CD109: variants seen among roughly 807,000 people sequenced by gnomAD.
CD109 encodes CD109 antigen.
In CD109, 149 loss-of-function variants were observed where a neutral mutation model predicts 165.8. The observed-to-expected ratio is 0.90, with a 90% confidence interval of 0.79 to 1.03. The LOEUF (loss-of-function observed/expected upper bound fraction) is 1.03, where lower values mean the gene tolerates loss of function less well. CD109 is among the 50% of genes least tolerant of loss of function. The pLI is 0.00. For missense variants in CD109, 1,712 were observed against 1,677.8 expected (o/e 1.02, Z -0.36); for synonymous variants, 585 against 592.1 (o/e 0.99, Z 0.18).
chr6:73,813,087 C>A (rs1775808763), intron 29 of CD109, among the ~76,000 whole-genome samples: 1 of 152,062 alleles, frequency 6.6e-6, no homozygotes, highest in Non-Finnish European at 1.5e-5. Context: ...AATTTAGAAA[C>A]TTCCAAATAA....
Position 73,820,493 on chromosome 6 carries a change from T to C in CD109, c.4092T>C (p.Pro1364=). 6.2e-7 allele frequency: 1 copy of C among 1,612,178 alleles called. No homozygotes were observed. The change falls in exon 32 of 33, where the codon CCT becomes CCC. Residue 1364 remains proline (P), a synonymous_variant. Transcript: ENST00000287097. ...VNETQFCVNI[P]AVRNFKVSNT... ...AAACCCAGTTTTGTGTTAATATTCC[T>C]GCTGTGAGAAACTTTAAAGTTTCAA...
chr6:73,689,803 ACTTT>A, the CD109 span, among the ~76,000 whole-genome samples: 3 of 152,316 alleles, frequency 2.0e-5, no homozygotes, highest in East Asian at 3.9e-4. Flanking sequence ...TACACCACTT[ACTTT>A]AATACCAAGA....
the CD109 span, among the ~76,000 whole-genome samples, chr6:73,685,909 T>TCAAA: frequency 6.6e-6 from 1 of 152,246 alleles, no homozygotes; most frequent in Non-Finnish European, 1.5e-5. Context: ...GATGTCTTTG[T>TCAAA]ATTTCTTTTT....
At chr6:73,758,867 T>C in intron 6 of CD109, 77 bp from the exon 7 acceptor site, 1 of 748,966 alleles carries the variant, frequency 1.3e-6, no homozygotes, top group Non-Finnish European at 2.4e-6. Flanking sequence ...GATAGTGAAG[T>C]AGATTCTTTA....
At chr6:73,717,861 C>T (rs1056896976) in intron 2 of CD109, among the ~76,000 whole-genome samples, 10 of 151,640 alleles carry the variant, frequency 6.6e-5, no homozygotes, top group East Asian at 2.0e-4. Context: ...CCTCGTGATC[C>T]GCCCACCTCG....
chr6:73,813,305 T>A (rs935977621), intron 29 of CD109, among the ~76,000 whole-genome samples: 1 of 152,150 alleles, frequency 6.6e-6, no homozygotes, highest in Non-Finnish European at 1.5e-5. Flanking sequence ...CAGAAGTAAA[T>A]ATGCTGTGTA....
intron 23 of CD109, among the ~76,000 whole-genome samples, chr6:73,797,672 T>C (rs1775213616): frequency 6.6e-6 from 1 of 152,200 alleles, no homozygotes; most frequent in African/African-American, 2.4e-5. Context: ...ACGAGGTAAA[T>C]CAAGTCAAAC....
At chr6:73,761,022 C>T (rs1475120196) in intron 7 of CD109, among the ~76,000 whole-genome samples, 4 of 45,470 alleles carry the variant, frequency 8.8e-5, no homozygotes. Context: ...TAAACACACA[C>T]ACACACACAC....
intron 14 of CD109, among the ~76,000 whole-genome samples, chr6:73,770,604 C>T (rs1022724594): frequency 3.9e-5 from 6 of 152,202 alleles, no homozygotes; most frequent in African/African-American, 7.2e-5. Context: ...AAAAATTAGC[C>T]GGGCATGGTG....
intron 29 of CD109, among the ~76,000 whole-genome samples, chr6:73,814,687 G>T (rs1331339434): frequency 6.6e-6 from 1 of 152,124 alleles, no homozygotes; most frequent in Admixed American, 6.6e-5. Context: ...TCAAGGGAAT[G>T]TTTGCCCTCT....
At chr6:73,771,958 G>T (rs1343868693) in intron 15 of CD109, among the ~76,000 whole-genome samples, 1 of 152,090 alleles carries the variant, frequency 6.6e-6, no homozygotes, top group Non-Finnish European at 1.5e-5. Context: ...AGTATGCAAG[G>T]TGATAGATAT....
intron 3 of CD109, 31 bp downstream of exon 3, chr6:73,723,310 G>T: frequency 6.7e-7 from 1 of 1,493,138 alleles, no homozygotes; most frequent in Non-Finnish European, 9.3e-7. Context: ...TTTGGTTTCA[G>T]AAATATATTG....
chr6:73,781,365 A>G (rs759492823), intron 17 of CD109, 46 bp downstream of exon 17: 8 of 1,441,590 alleles, frequency 5.5e-6, no homozygotes, highest in African/African-American at 2.8e-5. Context: ...TTCACATGAT[A>G]TTCAACATTA....
chr6:73,728,364 A>T (rs1264666097), intron 3 of CD109, among the ~76,000 whole-genome samples: 1 of 152,164 alleles, frequency 6.6e-6, no homozygotes, highest in Non-Finnish European at 1.5e-5. Context: ...GCAAAAATTG[A>T]CACCAGAAGT....
upstream of CD109, chr6:73,694,342 T>C (rs184734643): frequency 3.3e-5 from 5 of 152,362 alleles, no homozygotes; most frequent in African/African-American, 1.2e-4. Context: ...TTTGCATGAC[T>C]ACGCCTTTCG....
chr6:73,799,656 C>A (rs1775293874), intron 23 of CD109, among the ~76,000 whole-genome samples: 1 of 152,142 alleles, frequency 6.6e-6, no homozygotes, highest in Non-Finnish European at 1.5e-5. Flanking sequence ...CAGTAACTCA[C>A]TCACTATCTC....
chr6:73,686,226 G>C, the CD109 span, among the ~76,000 whole-genome samples: 1 of 152,208 alleles, frequency 6.6e-6, no homozygotes, highest in Non-Finnish European at 1.5e-5. Context: ...AGGTACTCTT[G>C]TGTGTGGATG....
intron 19 of CD109, 134 bp downstream of exon 19, chr6:73,783,958 G>T: frequency 7.0e-6 from 4 of 572,326 alleles, no homozygotes; most frequent in South Asian, 5.1e-5. Context: ...TTTGTCTTTT[G>T]GTTTTTATCT....
chr6:73,719,429 C>T (rs979861780), intron 2 of CD109, among the ~76,000 whole-genome samples: 6 of 152,292 alleles, frequency 3.9e-5, no homozygotes, highest in African/African-American at 9.6e-5. Flanking sequence ...TTGAATTCCA[C>T]GATTCCTTCT....
Sources: allele counts gnomAD v4.1 joint callset (sites outside exome capture counted in the v4.1 genomes callset), GRCh38; gene constraint gnomAD v4.1.1; transcripts MANE v1.5; gene names NCBI Gene and HGNC (gene_info 2026-07-23, HGNC 2026-07-21).